RBFOX1: variants seen among roughly 807,000 people sequenced by gnomAD.
RBFOX1 encodes RNA binding protein fox-1 homolog 1.
In RBFOX1, 8 loss-of-function variants were observed where a neutral mutation model predicts 57.7. The ratio of observed to expected loss-of-function variants is 0.14; its 90% CI spans 0.08 to 0.25. The LOEUF (loss-of-function observed/expected upper bound fraction) is 0.25, where lower values mean the gene tolerates loss of function less well. Ranked by LOEUF, RBFOX1 falls within the 10% of genes least tolerant of loss-of-function variation. RBFOX1 has a pLI of 1.00. For missense variants in RBFOX1, 611 were observed against 548.5 expected, an observed-to-expected ratio of 1.11 and a Z score of -1.14; for synonymous variants, 326 against 222.4, an observed-to-expected ratio of 1.47 and a Z score of -4.15.
intron 1 of RBFOX1, among the ~76,000 whole-genome samples, chr16:5,260,437 A>C (rs1221881825): frequency 6.6e-6 from 1 of 152,242 alleles, no homozygotes; most frequent in East Asian, 1.9e-4. Flanking sequence ...AAGAAGTAGC[A>C]AATTGAATGC....
chr16:7,264,495 C>G (rs1300758412), intron 4 of RBFOX1, among the ~76,000 whole-genome samples: 1 of 152,154 alleles, frequency 6.6e-6, no homozygotes, highest in East Asian at 1.9e-4. Flanking sequence ...GGGCCAAAAG[C>G]TAAGTATGTT....
At chr16:7,708,522 C>A (rs1370327899) in intron 14 of RBFOX1, among the ~76,000 whole-genome samples, 1 of 151,944 alleles carries the variant, frequency 6.6e-6, no homozygotes, top group African/African-American at 2.4e-5. Context: ...AATGGGGGTC[C>A]CACAGACCCT....
At chr16:6,873,701 C>G (rs1321203761) in intron 3 of RBFOX1, among the ~76,000 whole-genome samples, 1 of 152,152 alleles carries the variant, frequency 6.6e-6, no homozygotes, top group African/African-American at 2.4e-5. Flanking sequence ...TCATGATTGT[C>G]ACTGTCACTA....
In RBFOX1 at chr16:5,690,022, A is replaced by G. The variant is rs1028792314; in HGVS notation, c.318+91061A>G. On this transcript the variant is annotated intron_variant, in intron 3 of 19. Coordinates refer to the RBFOX1 transcript ENST00000641259. ...AGCAATTGCGTAAACTTTGCAGAGG[A>G]AAAGACCTGAGTGTGCTGGTGAAGC... Among the ~76,000 whole-genome samples the G allele has an allele frequency of 1.6e-4, 25 of 152,174 alleles. 1 individual carries two copies. The highest frequency in any genetic ancestry group is 5.1e-4 in the African/African-American group (21 of 41,446).
At chr16:7,300,627 T>C (rs1294297534) in intron 4 of RBFOX1, among the ~76,000 whole-genome samples, 2 of 150,912 alleles carry the variant, frequency 1.3e-5, no homozygotes, top group Admixed American at 6.6e-5. Context: ...TTTTTTTTAG[T>C]GGAATGTCTG....
chr16:7,029,985 C>T (rs2042371633), intron 3 of RBFOX1, among the ~76,000 whole-genome samples: 3 of 152,174 alleles, frequency 2.0e-5, no homozygotes, highest in Admixed American at 6.5e-5. Context: ...TCAACAAGGA[C>T]ACACTTTTCG....
intron 3 of RBFOX1, among the ~76,000 whole-genome samples, chr16:5,807,311 C>T (rs1211986574): frequency 6.6e-6 from 1 of 152,142 alleles, no homozygotes; most frequent in Non-Finnish European, 1.5e-5. Context: ...CTCCAACCAC[C>T]TGAGCACCTC....
At chr16:7,392,938 A>G (rs901223365) in intron 4 of RBFOX1, among the ~76,000 whole-genome samples, 2 of 151,922 alleles carry the variant, frequency 1.3e-5, no homozygotes, top group African/African-American at 4.8e-5. Flanking sequence ...CAGTGGCATG[A>G]TCTCGGCTCA....
intron 4 of RBFOX1, among the ~76,000 whole-genome samples, chr16:7,416,805 G>A (rs1321081731): frequency 2.6e-5 from 4 of 152,024 alleles, no homozygotes; most frequent in Non-Finnish European, 4.4e-5. Context: ...TAGATATCAT[G>A]TATCAACTCC....
At chr16:7,382,588 C>T (rs2097797841) in intron 4 of RBFOX1, among the ~76,000 whole-genome samples, 1 of 152,204 alleles carries the variant, frequency 6.6e-6, no homozygotes, top group Non-Finnish European at 1.5e-5. Context: ...TGAAGATACA[C>T]ATTTTAAGAG....
At chr16:5,767,348 C>A (rs535235794) in intron 3 of RBFOX1, among the ~76,000 whole-genome samples, 67 of 152,348 alleles carry the variant, frequency 4.4e-4, no homozygotes, top group African/African-American at 1.4e-3. Flanking sequence ...AGATGGGATG[C>A]TGCCCAGAGG....
rs28599665 is a variant in RBFOX1 at position 6,433,796 on chromosome 16, C to T, written c.-64+116739C>T. ...TCAAAGCACATCACTCCAACCTCTG[C>T]TCCATCATCACACCTCCTTTTCCTC... On this transcript the variant is annotated intron_variant, in intron 2 of 15. Coordinates refer to ENST00000550418, the MANE Select transcript of RBFOX1 (RefSeq NM_018723.4). Among the ~76,000 whole-genome samples the T allele has an allele frequency of 6.1e-3, 919 of 151,760 alleles. 10 individuals carry two copies. The highest frequency in any genetic ancestry group is 0.021 in the African/African-American group (879 of 41,322).
chr16:5,430,160 C>G (rs187748516), intron 1 of RBFOX1, among the ~76,000 whole-genome samples: 1 of 152,148 alleles, frequency 6.6e-6, no homozygotes, highest in Non-Finnish European at 1.5e-5. Context: ...GAAAAAGTCC[C>G]TCTCTTCATG....
At chr16:5,865,369 G>C (rs1436518529) in intron 3 of RBFOX1, among the ~76,000 whole-genome samples, 2 of 152,158 alleles carry the variant, frequency 1.3e-5, no homozygotes, top group South Asian at 4.1e-4. Flanking sequence ...GGGGAGGGAA[G>C]GTTCCAAACT....
intron 4 of RBFOX1, among the ~76,000 whole-genome samples, chr16:5,959,577 T>G (rs551560531): frequency 6.6e-6 from 1 of 152,234 alleles, no homozygotes; most frequent in South Asian, 2.1e-4. Flanking sequence ...AAGTTTCTGA[T>G]GAAGGAAAAA....
At chr16:6,829,007 C>G (rs1027975199) in intron 3 of RBFOX1, among the ~76,000 whole-genome samples, 1 of 152,088 alleles carries the variant, frequency 6.6e-6, no homozygotes, top group East Asian at 1.9e-4. Flanking sequence ...CCACTGTTGC[C>G]TGACTCATCC....
chr16:6,733,651 A>G, intron 3 of RBFOX1, among the ~76,000 whole-genome samples: 1 of 152,162 alleles, frequency 6.6e-6, no homozygotes, highest in Non-Finnish European at 1.5e-5. Flanking sequence ...CCAGCTACTC[A>G]GGAGGCTGAG....
chr16:5,645,785 C>G (rs1016843485), intron 3 of RBFOX1, among the ~76,000 whole-genome samples: 1 of 152,198 alleles, frequency 6.6e-6, no homozygotes, highest in Admixed American at 6.5e-5. Context: ...TCTGCCTCAG[C>G]TTCTTGAGTA....
intron 3 of RBFOX1, among the ~76,000 whole-genome samples, chr16:5,706,166 C>T (rs1377681304): frequency 2.0e-5 from 3 of 152,218 alleles, no homozygotes; most frequent in African/African-American, 7.2e-5. Context: ...CAGCCTCGGC[C>T]TCCCAAAGTG....
Sources: allele counts gnomAD v4.1 joint callset (sites outside exome capture counted in the v4.1 genomes callset), GRCh38; gene constraint gnomAD v4.1.1; transcripts MANE v1.5; gene names NCBI Gene and HGNC (gene_info 2026-07-23, HGNC 2026-07-21).